Variants in MAP2K1 observed in about 807,000 individuals in gnomAD.
The protein encoded by MAP2K1 is mitogen-activated protein kinase kinase 1, also known as dual specificity mitogen-activated protein kinase kinase 1.
In MAP2K1, 16 loss-of-function variants were observed where a neutral mutation model predicts 46.3. The observed-to-expected ratio is 0.35, with a 90% CI of 0.23 to 0.52. The LOEUF (loss-of-function observed/expected upper bound fraction) is 0.52. MAP2K1 is among the 20% of genes least tolerant of loss of function. The pLI is 0.94. For synonymous variants in MAP2K1, 183 were observed against 185.6 expected (o/e 0.99, Z 0.11); for missense variants, 263 against 497.1 (o/e 0.53, Z 4.48).
chr15:66,404,775 G>A lies in MAP2K1; in HGVS notation c.80+17348G>A, dbSNP rs113892941. Among the ~76,000 whole-genome samples the A allele has an allele frequency of 6.3e-3, 958 of 151,534 alleles. 7 individuals are homozygous for A. The highest frequency in any genetic ancestry group is 0.01 in the Non-Finnish European group (696 of 67,998). ...GGAGGGTGAGAGCTGGAGGGGACACGGTGAGCGGAAATGGTGAGCGGAAAT... is the reference window on the plus strand; with the variant it reads ...GGAGGGTGAGAGCTGGAGGGGACACAGTGAGCGGAAATGGTGAGCGGAAAT... On this transcript the variant is annotated intron_variant, in intron 1 of 10. Transcript: ENST00000307102.
At chr15:66,458,224 A>G (rs1892221971) in intron 5 of MAP2K1, among the ~76,000 whole-genome samples, 1 of 152,190 alleles carries the variant, frequency 6.6e-6, no homozygotes, top group African/African-American at 2.4e-5. Flanking sequence ...CATTCTATTT[A>G]AAGCAATAAT....
intron 3 of MAP2K1, among the ~76,000 whole-genome samples, 155 bp downstream of exon 3, chr15:66,437,047 G>C (rs911838368): frequency 1.3e-5 from 2 of 152,300 alleles, no homozygotes; most frequent in East Asian, 3.9e-4. Flanking sequence ...TGTAGAGCTT[G>C]GGATATTCAC....
chr15:66,442,187 C>A (rs1243608626), intron 3 of MAP2K1, among the ~76,000 whole-genome samples: 1 of 152,164 alleles, frequency 6.6e-6, no homozygotes, highest in Non-Finnish European at 1.5e-5. Flanking sequence ...TCTCCCTCAG[C>A]TGCTGTGATT....
intron 5 of MAP2K1, among the ~76,000 whole-genome samples, chr15:66,457,846 C>T (rs1892209273): frequency 6.6e-6 from 1 of 151,808 alleles, no homozygotes; most frequent in African/African-American, 2.4e-5. Flanking sequence ...GCCTGTAATC[C>T]CAGCTACTCA....
intron 2 of MAP2K1, among the ~76,000 whole-genome samples, chr15:66,436,511 T>G (rs2093488416): frequency 6.6e-6 from 1 of 152,180 alleles, no homozygotes; most frequent in South Asian, 2.1e-4. Flanking sequence ...TCCCTTAACT[T>G]TGTTCCTGTC....
Position 66,480,993 on chromosome 15 carries a change from A to G in MAP2K1, c.569-762A>G, listed in dbSNP as rs117636144. 4.9e-3 allele frequency among the ~76,000 whole-genome samples: 752 copies of G among 152,306 alleles called. 2 individuals are homozygous for G. Among genetic ancestry groups the G allele is most frequent in the Non-Finnish European group, 7.7e-3 (523 of 68,006 alleles). On this transcript the variant is annotated intron_variant, in intron 5 of 10. Coordinates refer to ENST00000307102, the MANE Select transcript of MAP2K1 (RefSeq NM_002755.4). ...TTAGGTCTCTGCAAACTAAGGGCCA[A>G]TGTACTGGTATTTGTGACAGTGACC...
At chr15:66,470,435 T>A (rs2140649053) in intron 5 of MAP2K1, among the ~76,000 whole-genome samples, 1 of 152,140 alleles carries the variant, frequency 6.6e-6, no homozygotes, top group East Asian at 1.9e-4. Context: ...CTCAAACCTG[T>A]CCTCCCTGTT....
intron 1 of MAP2K1, among the ~76,000 whole-genome samples, chr15:66,420,017 G>A (rs1408193476): frequency 6.6e-6 from 1 of 152,006 alleles, no homozygotes; most frequent in African/African-American, 2.4e-5. Context: ...GGTGAGGTGG[G>A]TGGATCACCT....
rs540384307 is a variant in MAP2K1, at chr15:66,387,217, C to T, written c.-131C>T. The T allele has an allele frequency of 1.4e-4, 93 of 676,702 alleles. 1 individual carries two copies. In the African/African-American group the frequency reaches 1.5e-3, roughly 11 times the overall value. The allele number at this position is 676,702 out of a possible 1,614,324, so 41.9% of individuals were successfully genotyped here. On this transcript the variant is annotated 5_prime_UTR_variant, in exon 1 of 11. Transcript: ENST00000307102. ...CGCTGACGGGACCGCGCGGGGCGCA[C>T]CCGCTGAAGGCAGCCCCGGGGCCCG...
chr15:66,407,781 G>A (rs2093401291), intron 1 of MAP2K1, among the ~76,000 whole-genome samples: 1 of 152,238 alleles, frequency 6.6e-6, no homozygotes, highest in African/African-American at 2.4e-5. Context: ...GGTTGAGGCT[G>A]CAGCGAGCTG....
intron 1 of MAP2K1, among the ~76,000 whole-genome samples, chr15:66,404,502 A>T (rs1268017665): frequency 1.3e-5 from 2 of 152,260 alleles, no homozygotes; most frequent in African/African-American, 4.8e-5. Flanking sequence ...AACTAAGTGA[A>T]TGCTGGGTTA....
chr15:66,485,214 A>C, intron 7 of MAP2K1, 23 bp downstream of exon 7: 1 of 1,606,164 alleles, frequency 6.2e-7, no homozygotes, highest in South Asian at 1.1e-5. Context: ...GTGTGTCCCC[A>C]TCTTGGACTG....
intron 4 of MAP2K1, among the ~76,000 whole-genome samples, chr15:66,443,699 C>T (rs907597511): frequency 3.9e-5 from 6 of 151,958 alleles, no homozygotes; most frequent in East Asian, 1.9e-4. Flanking sequence ...GATGAGACCT[C>T]GCTTCTACAA....
intron 5 of MAP2K1, among the ~76,000 whole-genome samples, chr15:66,476,599 G>T (rs1892759849): frequency 6.6e-6 from 1 of 152,232 alleles, no homozygotes. Flanking sequence ...AGAAGTGGAT[G>T]TGGAGACGTG....
Position 66,484,987 on chromosome 15 carries a change from C to G in MAP2K1, c.694-3C>G, listed in dbSNP as rs1893003475. 1 of 1,611,464 alleles carries G rather than the reference C, an allele frequency of 6.2e-7. No homozygotes were observed. On this transcript the variant is annotated splice_polypyrimidine_tract_variant and splice_region_variant and intron_variant, in intron 6 of 10. Coordinates refer to ENST00000307102, the MANE Select transcript of MAP2K1 (RefSeq NM_002755.4). ...TGATTATCACTGTCTGTCTCTCCTG[C>G]AGCCAGAAAGACTCCAGGGGACTCA...
chr15:66,477,567 C>T (rs73471736), intron 5 of MAP2K1, among the ~76,000 whole-genome samples: 11,412 of 152,250 alleles, frequency 0.075, 1,437 homozygotes, highest in African/African-American at 0.26. Flanking sequence ...AACCATGGCC[C>T]AGAAAAGTCA....
chr15:66,387,626 G>A (rs564791085), intron 1 of MAP2K1, among the ~76,000 whole-genome samples, 199 bp downstream of exon 1: 2 of 152,286 alleles, frequency 1.3e-5, no homozygotes, highest in East Asian at 3.9e-4. Flanking sequence ...GGATCCCGCG[G>A]GTCTCCATTC....
At chr15:66,390,215 G>A (rs2093353400) in intron 1 of MAP2K1, among the ~76,000 whole-genome samples, 1 of 152,142 alleles carries the variant, frequency 6.6e-6, no homozygotes, top group Non-Finnish European at 1.5e-5. Flanking sequence ...GGCTGCCCAA[G>A]ACAAACAGGG....
At chr15:66,437,682 A>G (rs1171621849) in intron 3 of MAP2K1, among the ~76,000 whole-genome samples, 1 of 152,212 alleles carries the variant, frequency 6.6e-6, no homozygotes, top group Admixed American at 6.5e-5. Flanking sequence ...GAACTTTAGA[A>G]GAACCCTCCT....
Sources: allele counts gnomAD v4.1 joint callset (sites outside exome capture counted in the v4.1 genomes callset), GRCh38; gene constraint gnomAD v4.1.1; transcripts MANE v1.5; gene names NCBI Gene and HGNC (gene_info 2026-07-23, HGNC 2026-07-21).